ARB2A: variants seen among roughly 807,000 people sequenced by gnomAD.
The protein encoded by ARB2A is cotranscriptional regulator ARB2A.
At chr5:93,665,806 G>A in the ARB2A span, among the ~76,000 whole-genome samples, 2 of 152,084 alleles carry the variant, frequency 1.3e-5, no homozygotes, top group African/African-American at 2.4e-5. Context: ...CTGACCTACC[G>A]AGCTTTTTAT....
chr5:93,719,625 TTC>T, the ARB2A span, among the ~76,000 whole-genome samples: 1 of 152,208 alleles, frequency 6.6e-6, no homozygotes, highest in African/African-American at 2.4e-5. Flanking sequence ...AAGGTGATGA[TTC>T]TCTGATTCTC....
At chr5:93,662,688 C>T in the ARB2A span, among the ~76,000 whole-genome samples, 6,172 of 152,260 alleles carry the variant, frequency 0.041, 188 homozygotes, top group East Asian at 0.15. Flanking sequence ...ACCCCCATTA[C>T]AATTACTGTC....
At chr5:93,660,315 A>G in the ARB2A span, among the ~76,000 whole-genome samples, 25 of 152,188 alleles carry the variant, frequency 1.6e-4, no homozygotes, top group African/African-American at 5.8e-4. Context: ...AGGCAATTTG[A>G]CTGTGGCTTA....
At chr5:93,716,693 CAAAAA>C in the ARB2A span, among the ~76,000 whole-genome samples, 7 of 36,690 alleles carry the variant, frequency 1.9e-4, no homozygotes, top group Admixed American at 1.2e-3. Context: ...ATAAGCTGTG[CAAAAA>C]AAAAAAAAAA....
At chr5:93,928,348 A>T in the ARB2A span, among the ~76,000 whole-genome samples, 1 of 152,192 alleles carries the variant, frequency 6.6e-6, no homozygotes, top group Non-Finnish European at 1.5e-5. Context: ...TTAAATTCAA[A>T]TTCATCCATA....
At chr5:93,977,322 A>C in the ARB2A span, among the ~76,000 whole-genome samples, 6 of 152,184 alleles carry the variant, frequency 3.9e-5, no homozygotes, top group South Asian at 1.2e-3. Flanking sequence ...AAATAAAATA[A>C]AATAAAATCA....
At chr5:93,815,721 A>G in the ARB2A span, among the ~76,000 whole-genome samples, 1 of 152,114 alleles carries the variant, frequency 6.6e-6, no homozygotes, top group East Asian at 1.9e-4. Flanking sequence ...TTCATTTCCT[A>G]TAAAGGAGTG....
chr5:94,068,567 G>C, the ARB2A span, among the ~76,000 whole-genome samples: 4 of 152,326 alleles, frequency 2.6e-5, no homozygotes, highest in South Asian at 8.3e-4. Flanking sequence ...TTTATATCCA[G>C]ATCACTGTCC....
the ARB2A span, among the ~76,000 whole-genome samples, chr5:94,036,126 A>G: frequency 2.0e-5 from 3 of 152,274 alleles, no homozygotes; most frequent in African/African-American, 7.2e-5. Flanking sequence ...CTCTATTCCA[A>G]ATATTTGAAG....
At chr5:94,093,628 T>C in the ARB2A span, among the ~76,000 whole-genome samples, 1 of 152,210 alleles carries the variant, frequency 6.6e-6, no homozygotes, top group Non-Finnish European at 1.5e-5. Context: ...TCAATAGCAT[T>C]CTGCCACTGG....
At chr5:93,855,738 T>G in the ARB2A span, among the ~76,000 whole-genome samples, 29 of 152,142 alleles carry the variant, frequency 1.9e-4, no homozygotes, top group East Asian at 1.2e-3. Context: ...GGCTGGATAT[T>G]AAATTCTGGG....
the ARB2A span, among the ~76,000 whole-genome samples, chr5:94,016,002 T>C: frequency 2.0e-5 from 3 of 152,130 alleles, no homozygotes; most frequent in Non-Finnish European, 4.4e-5. Context: ...AGTTGCTCAA[T>C]GGGTAAGAAA....
the ARB2A span, among the ~76,000 whole-genome samples, chr5:93,965,811 A>C: frequency 6.6e-6 from 1 of 152,048 alleles, no homozygotes; most frequent in Non-Finnish European, 1.5e-5. Context: ...TTCGTAATCT[A>C]AAATAGATTC....
chr5:94,057,399 G>T, the ARB2A span, among the ~76,000 whole-genome samples: 1 of 152,144 alleles, frequency 6.6e-6, no homozygotes, highest in Non-Finnish European at 1.5e-5. Flanking sequence ...GGGGAATAGG[G>T]AGTTATTGTT....
At chr5:93,820,156 A>G in the ARB2A span, among the ~76,000 whole-genome samples, 1 of 152,230 alleles carries the variant, frequency 6.6e-6, no homozygotes. Flanking sequence ...AAAATTACTT[A>G]ACATGTTTTA....
chr5:93,937,462 A>T, the ARB2A span, among the ~76,000 whole-genome samples: 1 of 151,724 alleles, frequency 6.6e-6, no homozygotes, highest in African/African-American at 2.4e-5. Context: ...ACAAAAAAAA[A>T]TTAGCTGGGC....
the ARB2A span, among the ~76,000 whole-genome samples, chr5:93,772,472 A>C: frequency 2.0e-5 from 3 of 152,148 alleles, no homozygotes; most frequent in Non-Finnish European, 4.4e-5. Flanking sequence ...TAAAATAAAA[A>C]AATTTAAAAA....
chr5:93,646,625 G>T, the ARB2A span, among the ~76,000 whole-genome samples: 1 of 151,132 alleles, frequency 6.6e-6, no homozygotes, highest in African/African-American at 2.4e-5. Flanking sequence ...TCTAATTTTT[G>T]CAAATACATT....
chr5:93,666,437 C>G, the ARB2A span, among the ~76,000 whole-genome samples: 1 of 151,726 alleles, frequency 6.6e-6, no homozygotes, highest in South Asian at 2.1e-4. Context: ...ATTCTCCAAC[C>G]CAGACCCCCT....
Sources: allele counts gnomAD v4.1 joint callset (sites outside exome capture counted in the v4.1 genomes callset), GRCh38; gene constraint gnomAD v4.1.1; transcripts MANE v1.5; gene names NCBI Gene and HGNC (gene_info 2026-07-23, HGNC 2026-07-21).